BAZ1B: variants seen among roughly 807,000 people sequenced by gnomAD.
BAZ1B encodes tyrosine-protein kinase BAZ1B.
In BAZ1B, 22 loss-of-function variants were observed where a neutral mutation model predicts 153.8. The observed-to-expected ratio is 0.14, with a 90% CI of 0.10 to 0.20. The LOEUF (loss-of-function observed/expected upper bound fraction) is 0.20. BAZ1B is among the 10% of genes least tolerant of loss of function. BAZ1B has a pLI of 1.00. For missense variants in BAZ1B, 1,325 were observed against 1,799.3 expected, an observed-to-expected ratio of 0.74 and a Z score of 4.77; for synonymous variants, 676 against 633.4, an observed-to-expected ratio of 1.07 and a Z score of -1.01.
chr7:73,470,330 G>C lies in BAZ1B; in HGVS notation c.2732+15C>G. 6.3e-7 allele frequency: 1 copy of C among 1,590,476 alleles called. No individual in the cohort carries two copies. The highest frequency in any genetic ancestry group is 8.6e-7 in the Non-Finnish European group (1 of 1,168,382). Reference sequence around the variant, plus strand: ...ATAGTCCTAAAGAAAACAAAAATTTGGTTTAGGAACTGACCTATTATGGTT... The same window carrying C: ...ATAGTCCTAAAGAAAACAAAAATTTCGTTTAGGAACTGACCTATTATGGTT... On this transcript the variant is annotated intron_variant, in intron 8 of 19. Coordinates refer to ENST00000339594, the MANE Select transcript of BAZ1B (RefSeq NM_032408.4).
At chr7:73,476,746 G>A (rs1259667199) in intron 7 of BAZ1B, 122 bp downstream of exon 7, 2 of 1,447,030 alleles carry the variant, frequency 1.4e-6, no homozygotes, top group African/African-American at 2.8e-5. Flanking sequence ...ATACCAATAG[G>A]TGCTGGGTTA....
At chr7:73,456,979 T>TAAAAAAAA (rs1788230189) in intron 13 of BAZ1B, among the ~76,000 whole-genome samples, 2 of 83,780 alleles carry the variant, frequency 2.4e-5, no homozygotes, top group Admixed American at 1.4e-4. Context: ...AAAAAAAAAG[T>TAAAAAAAA]ATTGGCGAGA....
chr7:73,512,604 A>C (rs375392102), intron 1 of BAZ1B, among the ~76,000 whole-genome samples: 1 of 152,152 alleles, frequency 6.6e-6, no homozygotes, highest in African/African-American at 2.4e-5. Context: ...TTTCCACACA[A>C]AACCAACTGG....
At chr7:73,495,154 G>T (rs1427010735) in intron 4 of BAZ1B, among the ~76,000 whole-genome samples, 3 of 152,176 alleles carry the variant, frequency 2.0e-5, no homozygotes, top group African/African-American at 7.2e-5. Flanking sequence ...GTGGTAGCGT[G>T]CTCCCATAGT....
intron 13 of BAZ1B, among the ~76,000 whole-genome samples, chr7:73,459,246 C>CA (rs782368597): frequency 0.01 from 1,016 of 101,430 alleles, 7 homozygotes; most frequent in African/African-American, 0.024. Flanking sequence ...GACTCCATCT[C>CA]AAAAAAAAAA....
At position 73,478,328 on chromosome 7, in the gene BAZ1B, A is replaced by T. The variant is rs1311317713; in HGVS notation, c.1133T>A (p.Leu378Gln). ...TTTAGGAATGTGAAAGTTAGTGTGCAGCTTATTGGGCGACATCATCTTCAT... is the reference window on the plus strand; with the variant it reads ...TTTAGGAATGTGAAAGTTAGTGTGCTGCTTATTGGGCGACATCATCTTCAT... ...EMMKMMSPNK[L>Q]HTNFHIPKKG... Residue 378 changes from leucine to glutamine, a missense_variant, in exon 7 of 20, where the codon CTG becomes CAG. Leu to Gln is a moderately radical substitution (Grantham distance 113). Around this residue, in one of 9 missense-constraint regions of BAZ1B, gnomAD observed 219 missense variants for 248.2 expected, o/e 0.88. Transcript: ENST00000339594. 1 of 1,614,014 alleles carries T rather than the reference A, an allele frequency of 6.2e-7. No homozygotes were observed. Among genetic ancestry groups the T allele is most frequent in the Non-Finnish European group, 8.5e-7 (1 of 1,180,008 alleles).
At chr7:73,472,555 G>A (rs944415751) in intron 7 of BAZ1B, among the ~76,000 whole-genome samples, 2 of 152,120 alleles carry the variant, frequency 1.3e-5, no homozygotes, top group Non-Finnish European at 2.9e-5. Context: ...CACTGCGCCC[G>A]GCCGCAGTTA....
chr7:73,456,874 G>A (rs1456971212), intron 13 of BAZ1B, among the ~76,000 whole-genome samples: 2 of 137,212 alleles, frequency 1.5e-5, no homozygotes, highest in African/African-American at 2.7e-5. Context: ...TGAACCCAGG[G>A]GAGTTTGCAG....
At chr7:73,506,431 G>A (rs923555276) in intron 3 of BAZ1B, among the ~76,000 whole-genome samples, 4 of 150,896 alleles carry the variant, frequency 2.7e-5, no homozygotes, top group African/African-American at 7.3e-5. Flanking sequence ...CCCAGGAGGC[G>A]AATCTTGCAG....
intron 6 of BAZ1B, among the ~76,000 whole-genome samples, chr7:73,484,792 C>T (rs190280465): frequency 6.6e-6 from 1 of 152,088 alleles, no homozygotes; most frequent in East Asian, 1.9e-4. Flanking sequence ...AAACCAAAAT[C>T]AAAGAGCATT....
At chr7:73,515,031 C>T (rs1290051758) in intron 1 of BAZ1B, among the ~76,000 whole-genome samples, 1 of 151,990 alleles carries the variant, frequency 6.6e-6, no homozygotes, top group African/African-American at 2.4e-5. Flanking sequence ...AAGATCACAC[C>T]GCTGTACTCC....
At chr7:73,513,666 G>C (rs1554578877) in intron 1 of BAZ1B, among the ~76,000 whole-genome samples, 1 of 152,168 alleles carries the variant, frequency 6.6e-6, no homozygotes, top group African/African-American at 2.4e-5. Context: ...AATAAGGACA[G>C]AGGAGGAATC....
chr7:73,504,622 C>A (rs1790261791), intron 3 of BAZ1B, among the ~76,000 whole-genome samples: 3 of 151,982 alleles, frequency 2.0e-5, no homozygotes. Flanking sequence ...CGAGATCGCG[C>A]CACCGGACTC....
Position 73,473,142 on chromosome 7 carries a change from G to A in BAZ1B, c.2594-2659C>T, listed in dbSNP as rs191302965. ...TTTTTAGTAGAGACAGGGTTTCACCGTGTTGGCCAGAATGGTCTTGATCTC... is the reference window on the plus strand; with the variant it reads ...TTTTTAGTAGAGACAGGGTTTCACCATGTTGGCCAGAATGGTCTTGATCTC... On this transcript the variant is annotated intron_variant, in intron 7 of 19. Coordinates refer to ENST00000339594, the MANE Select transcript of BAZ1B (RefSeq NM_032408.4). Among the ~76,000 whole-genome samples the A allele has an allele frequency of 6.3e-3, 959 of 152,148 alleles. 5 individuals carry two copies. Among genetic ancestry groups the A allele is most frequent in the South Asian group, 9.8e-3 (47 of 4,818 alleles).
At chr7:73,447,421 C>A in intron 15 of BAZ1B, 42 bp from the exon 16 acceptor site, 2 of 1,575,992 alleles carry the variant, frequency 1.3e-6, no homozygotes, top group South Asian at 2.4e-5. Flanking sequence ...AGTTTTAGCC[C>A]AAAGTGGTCC....
intron 3 of BAZ1B, among the ~76,000 whole-genome samples, chr7:73,506,934 AGT>A (rs1435570084): frequency 1.6e-5 from 2 of 128,820 alleles, no homozygotes; most frequent in African/African-American, 5.9e-5. Flanking sequence ...GCTGGAGTGC[AGT>A]GGCACGATCT....
rs1554564653 is a variant in BAZ1B at position 73,440,946 on chromosome 7, A to T, written c.*763T>A. The T allele has an allele frequency of 6.6e-6, 1 of 152,670 alleles. No homozygotes were observed. Among genetic ancestry groups the T allele is most frequent in the African/African-American group, 2.4e-5 (1 of 41,458 alleles). 9.5% of individuals were successfully genotyped at this position (152,670 alleles called of 1,614,324 possible). On this transcript the variant is annotated 3_prime_UTR_variant, in exon 20 of 20. Transcript: ENST00000339594. ...AAAGTTTTGCCTAAATATAACAACT[A>T]GAGCTAGATTTGTTGTGGGGGAAGG... is the stretch of plus-strand genomic sequence containing the variant.
intron 8 of BAZ1B, 96 bp downstream of exon 8, chr7:73,470,245 AAGAG>A: frequency 1.8e-6 from 2 of 1,123,838 alleles, no homozygotes; most frequent in Non-Finnish European, 2.5e-6. Context: ...TGGAAAACTG[AAGAG>A]AGAAGCTTGT....
At chr7:73,497,943 TGTTTTGTTTTTTTTTTTTTGAGATGGA>T (rs1789979910) in intron 4 of BAZ1B, among the ~76,000 whole-genome samples, 1 of 151,634 alleles carries the variant, frequency 6.6e-6, no homozygotes, top group African/African-American at 2.4e-5. Context: ...ACAGCTTTTG[TGTTTTGTTTTTTTTTTTTTGAGATGGA>T]GTTTTGTTTT....
Sources: allele counts gnomAD v4.1 joint callset (sites outside exome capture counted in the v4.1 genomes callset), GRCh38; gene constraint gnomAD v4.1.1; regional missense constraint gnomAD v4.1.1; transcripts MANE v1.5; gene names NCBI Gene and HGNC (gene_info 2026-07-23, HGNC 2026-07-21).